The following ZDHHC15 variants were observed in gnomAD, a reference collection of about 807,000 sequenced individuals.
The protein encoded by ZDHHC15 is zDHHC palmitoyltransferase 15.
ZDHHC15 carries 19 observed loss-of-function variants against 31.7 expected under a neutral mutation model. That is an observed-to-expected ratio of 0.60 (90% CI 0.42 to 0.88). The LOEUF is 0.88. Among genes scored for constraint, ZDHHC15 ranks in the 40% least tolerant of loss-of-function variants. The probability of loss-of-function intolerance (pLI) is 0.00; values close to 1 mark genes in which losing one functional copy is unlikely to be tolerated. For missense variants in ZDHHC15, 209 were observed against 251.2 expected (o/e 0.83, Z 1.14); for synonymous variants, 103 against 90.0 (o/e 1.14, Z -0.82).
Position 75,457,645 on chromosome X carries a change from T to TCACACACACA in ZDHHC15, c.259-6733_259-6724dup, listed in dbSNP as rs35992807. Among the ~76,000 whole-genome samples the TCACACACACA allele has an allele frequency of 1.0e-2, 935 of 93,896 alleles. 8 individuals carry two copies. The highest frequency in any genetic ancestry group is 0.034 in the African/African-American group (872 of 26,005). 81.5% of individuals were successfully genotyped at this position (93,896 alleles called of 115,157 possible). A position where few individuals can be genotyped will look rare whatever the true frequency, so the allele number is the denominator to read the frequency against. On this transcript the variant is annotated intron_variant, in intron 3 of 11. Transcript: ENST00000373367. Reference sequence around the variant, plus strand: ...GCATGTATTAAAGTTTTATTTACACTCACACACACACACACACACACACAC... The same window carrying TCACACACACA: ...GCATGTATTAAAGTTTTATTTACACTCACACACACACACACACACACACACACACACACAC...
intron 10 of ZDHHC15, among the ~76,000 whole-genome samples, chrX:75,398,202 G>A (rs893830587): frequency 6.2e-5 from 7 of 112,366 alleles, no homozygotes; most frequent in African/African-American, 2.3e-4. Context: ...GGAGCTCCTG[G>A]TGGGAGGGGC....
chrX:75,494,852 C>T (rs893210928), intron 2 of ZDHHC15, among the ~76,000 whole-genome samples: 2 of 111,859 alleles, frequency 1.8e-5, no homozygotes, highest in African/African-American at 6.5e-5. Flanking sequence ...CTAGGCAATA[C>T]CATTCAGGAC....
intron 10 of ZDHHC15, among the ~76,000 whole-genome samples, chrX:75,381,086 G>A (rs774511196): frequency 7.2e-5 from 8 of 111,002 alleles, no homozygotes; most frequent in Non-Finnish European, 1.5e-4. Flanking sequence ...TATATAAGTC[G>A]CATTACCTCC....
intron 3 of ZDHHC15, among the ~76,000 whole-genome samples, chrX:75,476,280 T>C (rs1035719065): frequency 4.5e-5 from 5 of 110,798 alleles, no homozygotes; most frequent in African/African-American, 1.6e-4. Context: ...TTGGGAAGGA[T>C]TGATGTTAAT....
intron 4 of ZDHHC15, among the ~76,000 whole-genome samples, chrX:75,446,398 CT>C (rs748764351): frequency 9.0e-5 from 10 of 111,652 alleles, no homozygotes; most frequent in African/African-American, 2.9e-4. Flanking sequence ...TAGAATAGTT[CT>C]TCTCACTCAC....
intron 9 of ZDHHC15, among the ~76,000 whole-genome samples, chrX:75,421,161 C>T (rs1371382668): frequency 9.7e-6 from 1 of 103,164 alleles, no homozygotes. Context: ...TTTTTAATCA[C>T]AGTGTATTGA....
intron 3 of ZDHHC15, among the ~76,000 whole-genome samples, chrX:75,477,694 C>T (rs2084628055): frequency 9.0e-6 from 1 of 111,590 alleles, no homozygotes; most frequent in Admixed American, 9.6e-5. Flanking sequence ...GTTTTGATTA[C>T]TATTTACTAG....
chrX:75,490,385 T>C (rs1353423133), intron 2 of ZDHHC15, among the ~76,000 whole-genome samples: 1 of 111,952 alleles, frequency 8.9e-6, no homozygotes, highest in African/African-American at 3.2e-5. Context: ...GACTAACAGA[T>C]GATCTCTCAG....
chrX:75,443,514 C>T (rs1357563364), intron 4 of ZDHHC15, among the ~76,000 whole-genome samples: 1 of 111,642 alleles, frequency 9.0e-6, no homozygotes, highest in East Asian at 2.8e-4. Context: ...CCATAAAAAC[C>T]CTACAAGAAA....
At chrX:75,487,718 A>G (rs2084800626) in intron 2 of ZDHHC15, among the ~76,000 whole-genome samples, 1 of 112,365 alleles carries the variant, frequency 8.9e-6, no homozygotes, top group East Asian at 2.8e-4. Context: ...CAGAAGGTTG[A>G]TTATTAAGCT....
At chrX:75,439,298 G>T (rs995596083) in intron 4 of ZDHHC15, among the ~76,000 whole-genome samples, 1 of 111,531 alleles carries the variant, frequency 9.0e-6, no homozygotes, top group Non-Finnish European at 1.9e-5. Flanking sequence ...ATTACTCTTA[G>T]GTTTCAGAAT....
intron 10 of ZDHHC15, among the ~76,000 whole-genome samples, chrX:75,387,367 C>T (rs763360167): frequency 9.0e-6 from 1 of 111,246 alleles, no homozygotes; most frequent in South Asian, 3.8e-4. Flanking sequence ...ATATTTGAGC[C>T]CTCTGATCAG....
Position 75,491,233 on chromosome X carries a change from C to T in ZDHHC15, c.164-12248G>A, listed in dbSNP as rs774605313. On this transcript the variant is annotated intron_variant, in intron 2 of 11. Transcript: ENST00000373367. ...AAAGACTTGGAACCAACCCAAATGT[C>T]CAACAATGATAGACTGGATTAAGAA... Among the ~76,000 whole-genome samples, 55 of 110,399 alleles carry T rather than the reference C, an allele frequency of 5.0e-4. No homozygotes were observed. In the South Asian group the frequency reaches 0.016, roughly 32 times the overall value.
At chrX:75,403,996 C>A (rs1602570702) in intron 10 of ZDHHC15, among the ~76,000 whole-genome samples, 1 of 111,899 alleles carries the variant, frequency 8.9e-6, no homozygotes, top group African/African-American at 3.3e-5. Context: ...GATACAGTGA[C>A]AAAAACAGCA....
intron 4 of ZDHHC15, among the ~76,000 whole-genome samples, chrX:75,437,169 C>T (rs2083865262): frequency 9.0e-6 from 1 of 111,585 alleles, no homozygotes; most frequent in Admixed American, 9.5e-5. Flanking sequence ...GCCTGAGCCA[C>T]CGCGCCAAGC....
intron 8 of ZDHHC15, 42 bp downstream of exon 8, chrX:75,424,610 C>T: frequency 4.3e-6 from 5 of 1,152,237 alleles, no homozygotes; most frequent in Non-Finnish European, 4.6e-6. Context: ...CCCTCTGATA[C>T]ACATTAATAT....
At chrX:75,506,272 G>A (rs140948485) in intron 1 of ZDHHC15, among the ~76,000 whole-genome samples, 194 of 111,582 alleles carry the variant, frequency 1.7e-3, no homozygotes, top group African/African-American at 5.7e-3. Context: ...GTATACATGT[G>A]CCATGTTGGT....
chrX:75,457,254 C>A (rs1032549539), intron 3 of ZDHHC15, among the ~76,000 whole-genome samples: 2 of 110,344 alleles, frequency 1.8e-5, no homozygotes, highest in Non-Finnish European at 3.8e-5. Context: ...TATTGAGCAC[C>A]TTTTCATGAG....
intron 2 of ZDHHC15, 23 bp from the exon 3 acceptor site, chrX:75,479,008 G>A: frequency 2.0e-6 from 2 of 1,008,419 alleles, no homozygotes; most frequent in Non-Finnish European, 2.7e-6. Context: ...AAAAATCAGT[G>A]TTTATACTAT....
Sources: allele counts gnomAD v4.1 joint callset (sites outside exome capture counted in the v4.1 genomes callset), GRCh38; gene constraint gnomAD v4.1.1; transcripts MANE v1.5; gene names NCBI Gene and HGNC (gene_info 2026-07-23, HGNC 2026-07-21).